The following CIT variants were observed in gnomAD, a reference collection of about 807,000 sequenced individuals.
CIT encodes citron Rho-interacting kinase.
Under a neutral mutation model 272.7 loss-of-function variants are expected in CIT, and 79 were observed. That is an observed-to-expected ratio of 0.29 (90% CI 0.24 to 0.35). CIT has a LOEUF of 0.35. Among genes scored for constraint, CIT ranks in the 10% least tolerant of loss-of-function variants. The pLI, the probability that CIT is intolerant of heterozygous loss-of-function variation, is 1.00. For missense variants in CIT, 1,909 were observed against 2,618.3 expected, an observed-to-expected ratio of 0.73 and a Z score of 5.91; for synonymous variants, 948 against 995.6, an observed-to-expected ratio of 0.95 and a Z score of 0.90.
intron 16 of CIT, among the ~76,000 whole-genome samples, chr12:119,775,529 C>G (rs1227062908): frequency 6.6e-6 from 1 of 152,120 alleles, no homozygotes; most frequent in Non-Finnish European, 1.5e-5. Context: ...TGGGTTCTGT[C>G]GTAGTATAAT....
At chr12:119,787,900 G>C (rs570913605) in intron 10 of CIT, among the ~76,000 whole-genome samples, 6 of 152,294 alleles carry the variant, frequency 3.9e-5, no homozygotes, top group African/African-American at 1.4e-4. Context: ...AATAATGCAT[G>C]TAATGCTGTC....
intron 17 of CIT, among the ~76,000 whole-genome samples, 189 bp from the exon 18 acceptor site, chr12:119,771,099 G>A (rs1444505268): frequency 6.6e-6 from 1 of 152,192 alleles, no homozygotes; most frequent in Non-Finnish European, 1.5e-5. Context: ...TTACAAGAGT[G>A]CATTCATTCA....
At chr12:119,741,071 G>A (rs757628462) in intron 24 of CIT, among the ~76,000 whole-genome samples, 1 of 151,856 alleles carries the variant, frequency 6.6e-6, no homozygotes, top group Non-Finnish European at 1.5e-5. Flanking sequence ...ATCCATTATG[G>A]AAACAATCCA....
intron 23 of CIT, among the ~76,000 whole-genome samples, chr12:119,749,434 G>A (rs918791423): frequency 6.6e-6 from 1 of 152,158 alleles, no homozygotes; most frequent in African/African-American, 2.4e-5. Context: ...TCTTGGAAAA[G>A]ACGTTTTTCA....
Position 119,715,018 on chromosome 12 carries a change from G to A in CIT, c.4169-684C>T, listed in dbSNP as rs115067362. Among the ~76,000 whole-genome samples, 242 of 152,336 alleles carry A rather than the reference G, an allele frequency of 1.6e-3. 1 individual carries two copies. The highest frequency in any genetic ancestry group is 5.6e-3 in the African/African-American group (234 of 41,566). Reference sequence around the variant, plus strand: ...CTGCCATAATTCCCATGTGTTGGGAGGGACTTGGTGGGAGATAACTGAATC... The same window carrying A: ...CTGCCATAATTCCCATGTGTTGGGAAGGACTTGGTGGGAGATAACTGAATC... On this transcript the variant is annotated intron_variant, in intron 32 of 47. Transcript: ENST00000392521.
In CIT at chr12:119,752,199, T is replaced by C; in HGVS notation, c.2755A>G (p.Thr919Ala). Residue 919 changes from threonine (T) to alanine (A), a missense_variant, in exon 23 of 48, where the codon ACA becomes GCA. Physicochemically the swap from Thr to Ala is moderately conservative, Grantham distance 58. This residue lies in a region of CIT where 530 missense variants were observed against 822.4 expected (regional missense o/e 0.64). Coordinates refer to ENST00000392521, the MANE Select transcript of CIT (RefSeq NM_001206999.2). ...TCCTGCAGGGAGAGCTGTAGCTCTG[T>C]GAGCTGGCGCTTGAGCTCCAGTTTC... ...EQKLELKRQL[T>A]ELQLSLQERE... is the part of the protein sequence containing the mutation. The C allele has an allele frequency of 6.2e-7, 1 of 1,611,194 alleles. No individual in the cohort carries two copies. The highest frequency in any genetic ancestry group is 8.5e-7 in the Non-Finnish European group (1 of 1,179,860).
At chr12:119,762,085 G>A (rs1427338960) in intron 19 of CIT, among the ~76,000 whole-genome samples, 1 of 152,176 alleles carries the variant, frequency 6.6e-6, no homozygotes, top group African/African-American at 2.4e-5. Context: ...CACAGAGAGG[G>A]CTAAAATCTG....
At chr12:119,809,022 T>C (rs203360) in intron 9 of CIT, among the ~76,000 whole-genome samples, 12,367 of 152,160 alleles carry the variant, frequency 0.081, 1,654 homozygotes, top group African/African-American at 0.28. Flanking sequence ...GCAGTACTTT[T>C]TTGCAAGTTC....
At chr12:119,722,116 C>G (rs12296121) in intron 28 of CIT, among the ~76,000 whole-genome samples, 83,091 of 151,968 alleles carry the variant, frequency 0.55, 22,877 homozygotes, top group Admixed American at 0.62. Flanking sequence ...GCAAATCTCG[C>G]TCCAATTTTT....
chr12:119,701,817 A>G, intron 42 of CIT, 33 bp downstream of exon 42: 1 of 1,614,140 alleles, frequency 6.2e-7, no homozygotes, highest in South Asian at 1.1e-5. Flanking sequence ...GGCCTGAGCC[A>G]TGGGTGGGTG....
chr12:119,856,141 T>C (rs1245875374), intron 4 of CIT, among the ~76,000 whole-genome samples: 1 of 152,204 alleles, frequency 6.6e-6, no homozygotes, highest in Non-Finnish European at 1.5e-5. Context: ...GCTTCTCTGA[T>C]TGGAGGCCAC....
intron 10 of CIT, among the ~76,000 whole-genome samples, chr12:119,792,517 T>C (rs1965390492): frequency 6.6e-6 from 1 of 152,142 alleles, no homozygotes; most frequent in Admixed American, 6.5e-5. Context: ...GTCACCAGGC[T>C]GGAGTGCAGT....
chr12:119,796,499 G>C (rs910556773), intron 10 of CIT, among the ~76,000 whole-genome samples: 1 of 152,190 alleles, frequency 6.6e-6, no homozygotes, highest in Non-Finnish European at 1.5e-5. Flanking sequence ...GAAGGGTAGG[G>C]AAGGTGGTAG....
At chr12:119,740,206 TCAC>T (rs1205524015) in intron 24 of CIT, among the ~76,000 whole-genome samples, 1 of 152,174 alleles carries the variant, frequency 6.6e-6, no homozygotes, top group Non-Finnish European at 1.5e-5. Flanking sequence ...AGATTAGAAG[TCAC>T]CGTTCCAGAA....
In CIT at chr12:119,734,145, C is replaced by T. The variant is rs759168696; in HGVS notation, c.3350+19G>A. On this transcript the variant is annotated intron_variant, in intron 26 of 47. Transcript: ENST00000392521. Reference sequence around the variant, plus strand: ...CTGCGGTCACCTGTCATGAGCTTTCCACAAACACAAAGCCCCACCTGCTCT... The same window carrying T: ...CTGCGGTCACCTGTCATGAGCTTTCTACAAACACAAAGCCCCACCTGCTCT... 2.5e-6 allele frequency: 4 copies of T among 1,611,950 alleles called. No homozygotes were observed. The South Asian group carries it at 3.3e-5, about 13-fold the overall frequency.
chr12:119,726,882 G>A (rs1349631407), intron 28 of CIT, among the ~76,000 whole-genome samples: 1 of 152,142 alleles, frequency 6.6e-6, no homozygotes, highest in Non-Finnish European at 1.5e-5. Context: ...CGTAAGGGAT[G>A]GGTTTAGAAG....
chr12:119,834,261 C>T, intron 5 of CIT, 33 bp from the exon 6 acceptor site: 1 of 1,553,736 alleles, frequency 6.4e-7, no homozygotes, highest in South Asian at 1.2e-5. Context: ...TAATTCTTCA[C>T]ACACCCAAAA....
Position 119,745,373 on chromosome 12 carries a change from G to GAAAAAAAAAAAAA in CIT, c.2905-2910_2905-2909insTTTTTTTTTTTTT, listed in dbSNP as rs1959205778. Among the ~76,000 whole-genome samples the GAAAAAAAAAAAAA allele has an allele frequency of 9.0e-4, 2 of 2,226 alleles. 1 individual carries two copies. Among genetic ancestry groups the GAAAAAAAAAAAAA allele is most frequent in the Non-Finnish European group, 1.9e-3 (2 of 1,080 alleles). The allele number at this position is 2,226 out of a possible 152,430, so 1.5% of individuals were successfully genotyped here. On this transcript the variant is annotated intron_variant, in intron 23 of 47. Transcript: ENST00000392521. ...CTGAAATAAAAAACAGAAGAAACAA[G>GAAAAAAAAAAAAA]CAAAAAAAAAAAAAAAAAAAAAAAA...
intron 10 of CIT, 55 bp downstream of exon 10, chr12:119,803,151 C>A: frequency 4.1e-6 from 1 of 244,040 alleles, no homozygotes; most frequent in East Asian, 1.2e-4. Flanking sequence ...CCACCTTTGG[C>A]TCCAAAAGCC....
Sources: allele counts gnomAD v4.1 joint callset (sites outside exome capture counted in the v4.1 genomes callset), GRCh38; gene constraint gnomAD v4.1.1; regional missense constraint gnomAD v4.1.1; transcripts MANE v1.5; gene names NCBI Gene and HGNC (gene_info 2026-07-23, HGNC 2026-07-21).